The following CUL1 variants were observed in gnomAD, a reference collection of about 807,000 sequenced individuals.
CUL1 encodes cullin-1.
A neutral mutation model predicts 118.0 loss-of-function variants in CUL1; 24 were observed. The ratio of observed to expected loss-of-function variants is 0.20; its 90% CI spans 0.15 to 0.29. CUL1 has a LOEUF of 0.29. Among genes scored for constraint, CUL1 ranks in the 10% least tolerant of loss-of-function variants. The probability of loss-of-function intolerance (pLI) is 1.00; values close to 1 mark genes in which losing one functional copy is unlikely to be tolerated. For synonymous variants in CUL1, 332 were observed against 340.4 expected, an observed-to-expected ratio of 0.98 and a Z score of 0.27; for missense variants, 361 against 933.8, an observed-to-expected ratio of 0.39 and a Z score of 7.99.
chr7:148,699,657 A>C (rs1797652486), intron 1 of CUL1, among the ~76,000 whole-genome samples: 1 of 151,830 alleles, frequency 6.6e-6, no homozygotes, highest in Non-Finnish European at 1.5e-5. Context: ...GGGCGCTATT[A>C]TTGGGTAACA....
intron 4 of CUL1, among the ~76,000 whole-genome samples, chr7:148,758,129 T>C (rs1799717496): frequency 6.6e-6 from 1 of 152,162 alleles, no homozygotes; most frequent in Non-Finnish European, 1.5e-5. Flanking sequence ...CCCAGCAATG[T>C]TTTACCAAGC....
At chr7:148,740,450 CT>C (rs1799107340) in intron 2 of CUL1, among the ~76,000 whole-genome samples, 1 of 152,218 alleles carries the variant, frequency 6.6e-6, no homozygotes, top group Non-Finnish European at 1.5e-5. Flanking sequence ...TAATGTTCAA[CT>C]GTCACATTCA....
chr7:148,772,928 G>T (rs893288707), intron 9 of CUL1, among the ~76,000 whole-genome samples: 1 of 152,064 alleles, frequency 6.6e-6, no homozygotes, highest in Admixed American at 6.6e-5. Context: ...GGATGAGTCA[G>T]TGGAGCATGG....
intron 1 of CUL1, among the ~76,000 whole-genome samples, chr7:148,709,245 A>G (rs568724358): frequency 6.6e-6 from 1 of 152,340 alleles, no homozygotes; most frequent in East Asian, 1.9e-4. Context: ...CAAACTGCGT[A>G]TATGCGCATA....
intron 17 of CUL1, among the ~76,000 whole-genome samples, chr7:148,795,429 A>G (rs1012580266): frequency 2.6e-5 from 4 of 151,802 alleles, no homozygotes; most frequent in Non-Finnish European, 5.9e-5. Flanking sequence ...CCACCATGCC[A>G]GCCTGTTCCA....
chr7:148,773,249 A>C (rs537735645), intron 9 of CUL1, among the ~76,000 whole-genome samples: 1 of 152,232 alleles, frequency 6.6e-6, no homozygotes, highest in East Asian at 1.9e-4. Context: ...CATTTTCATG[A>C]ACCCTGTCTT....
At position 148,737,546 on chromosome 7, in the gene CUL1, A is replaced by ATG. The variant is rs1254648021; in HGVS notation, c.140+7296_140+7297dup. 2.6e-3 allele frequency among the ~76,000 whole-genome samples: 383 copies of ATG among 146,622 alleles called. 2 individuals are homozygous for ATG. Among genetic ancestry groups the ATG allele is most frequent in the African/African-American group, 7.8e-3 (315 of 40,158 alleles). Reference sequence around the variant, plus strand: ...TGTTTGAAGATAGGAAGTACGATATATGTGTGTGTGTGTATATATATATAT... The same window carrying ATG: ...TGTTTGAAGATAGGAAGTACGATATATGTGTGTGTGTGTGTATATATATATAT... On this transcript the variant is annotated intron_variant, in intron 2 of 21. Coordinates refer to ENST00000325222, the MANE Select transcript of CUL1 (RefSeq NM_003592.3).
intron 9 of CUL1, among the ~76,000 whole-genome samples, chr7:148,777,449 T>G (rs1800439281): frequency 6.6e-6 from 1 of 152,152 alleles, no homozygotes; most frequent in Non-Finnish European, 1.5e-5. Flanking sequence ...AAGTATATTC[T>G]GCTGTTGTTG....
At chr7:148,707,384 T>C (rs1797917309) in intron 1 of CUL1, among the ~76,000 whole-genome samples, 1 of 152,154 alleles carries the variant, frequency 6.6e-6, no homozygotes. Context: ...CTAAATACTA[T>C]CAGAGGAATT....
At chr7:148,700,334 A>G (rs980639343) in intron 1 of CUL1, among the ~76,000 whole-genome samples, 7 of 152,230 alleles carry the variant, frequency 4.6e-5, no homozygotes, top group Non-Finnish European at 7.3e-5. Flanking sequence ...ACCTAAGCAT[A>G]GCTTAACGCC....
intron 9 of CUL1, among the ~76,000 whole-genome samples, chr7:148,782,365 A>G (rs1229592209): frequency 6.6e-6 from 1 of 152,244 alleles, no homozygotes; most frequent in Non-Finnish European, 1.5e-5. Context: ...AAGTTTCCCT[A>G]CGTCTGGGAT....
intron 17 of CUL1, among the ~76,000 whole-genome samples, chr7:148,797,217 T>C (rs1801230728): frequency 6.6e-6 from 1 of 152,140 alleles, no homozygotes; most frequent in Non-Finnish European, 1.5e-5. Flanking sequence ...GGCAGCTCTT[T>C]AATATTTCTT....
chr7:148,735,946 G>A (rs1798924005), intron 2 of CUL1, among the ~76,000 whole-genome samples: 1 of 151,620 alleles, frequency 6.6e-6, no homozygotes, highest in Non-Finnish European at 1.5e-5. Flanking sequence ...GCCAGGGCAG[G>A]TGGATCACTT....
intron 1 of CUL1, among the ~76,000 whole-genome samples, chr7:148,715,650 A>G (rs1798190948): frequency 6.6e-6 from 1 of 152,024 alleles, no homozygotes; most frequent in Non-Finnish European, 1.5e-5. Context: ...CTTTCTTCAC[A>G]CTTTGAAGAT....
intron 8 of CUL1, 140 bp from the exon 9 acceptor site, chr7:148,767,479 T>C (rs919949395): frequency 1.9e-5 from 14 of 723,968 alleles, no homozygotes; most frequent in Admixed American, 9.0e-5. Flanking sequence ...TTGGTTATAA[T>C]TAAATGCTAT....
At chr7:148,798,052 A>G in intron 19 of CUL1, 33 bp downstream of exon 19, 1 of 1,291,724 alleles carries the variant, frequency 7.7e-7, no homozygotes, top group Non-Finnish European at 1.1e-6. Flanking sequence ...ATGGCCCTTG[A>G]CCATAGACAC....
chr7:148,769,206 C>A (rs1436918570), intron 9 of CUL1, among the ~76,000 whole-genome samples: 7 of 151,798 alleles, frequency 4.6e-5, no homozygotes, highest in Non-Finnish European at 1.0e-4. Flanking sequence ...AATGCCTATC[C>A]CATAGGATAT....
chr7:148,735,606 C>T (rs1318464572), intron 2 of CUL1, among the ~76,000 whole-genome samples: 2 of 152,204 alleles, frequency 1.3e-5, no homozygotes, highest in African/African-American at 4.8e-5. Context: ...ACCATCCATC[C>T]CAACAGATGT....
chr7:148,704,912 G>C (rs1797835998), intron 1 of CUL1, among the ~76,000 whole-genome samples: 1 of 152,130 alleles, frequency 6.6e-6, no homozygotes, highest in Non-Finnish European at 1.5e-5. Flanking sequence ...GGAGAAGCAG[G>C]GGAGCTACTT....
Sources: allele counts gnomAD v4.1 joint callset (sites outside exome capture counted in the v4.1 genomes callset), GRCh38; gene constraint gnomAD v4.1.1; transcripts MANE v1.5; gene names NCBI Gene and HGNC (gene_info 2026-07-23, HGNC 2026-07-21).